Variants in GAREM2 observed in about 807,000 individuals in gnomAD.
GAREM2 encodes GRB2 associated regulator of MAPK1 subtype 2.
A neutral mutation model predicts 55.6 loss-of-function variants in GAREM2; 30 were observed. The ratio of observed to expected loss-of-function variants is 0.54; its 90% CI spans 0.40 to 0.73. The LOEUF is 0.73. Ranked by LOEUF, GAREM2 falls within the 30% of genes least tolerant of loss-of-function variation. GAREM2 has a pLI of 0.00. For missense variants in GAREM2, 1,075 were observed against 1,257.7 expected, an observed-to-expected ratio of 0.85 and a Z score of 2.20; for synonymous variants, 550 against 569.1, an observed-to-expected ratio of 0.97 and a Z score of 0.48.
At chr2:26,177,008 A>G (rs1668885934) in intron 2 of GAREM2, among the ~76,000 whole-genome samples, 1 of 152,174 alleles carries the variant, frequency 6.6e-6, no homozygotes, top group Non-Finnish European at 1.5e-5. Flanking sequence ...AAAATTTTAG[A>G]CTTCTAAAGA....
intron 2 of GAREM2, chr2:26,182,615 C>G (rs553196793): frequency 2.2e-6 from 2 of 927,044 alleles, no homozygotes; most frequent in African/African-American, 1.6e-5. Flanking sequence ...GCCAGCATCC[C>G]GGTACCACAC....
the GAREM2 span, among the ~76,000 whole-genome samples, chr2:26,195,840 A>G: frequency 6.6e-6 from 1 of 152,200 alleles, no homozygotes; most frequent in African/African-American, 2.4e-5. Flanking sequence ...CTACTGAATC[A>G]GAAACTCCAT....
downstream of GAREM2, chr2:26,190,986 G>A (rs1407517886): frequency 1.8e-6 from 1 of 560,078 alleles, no homozygotes; most frequent in Admixed American, 3.0e-5. Flanking sequence ...GCTTCAGATG[G>A]CTCTTGGCTG....
At position 26,173,198 on chromosome 2, in the gene GAREM2, G is replaced by C. The variant is rs1668756562; in HGVS notation, c.-23G>C. The stretch of plus-strand genomic sequence containing the variant: ...GGACTGACCGTCGGGGCCCCGGGAC[G>C]GCGGCCCCGGGGCGCCCATGCCATG... On this transcript the variant is annotated 5_prime_UTR_variant, in exon 1 of 6. Coordinates refer to ENST00000401533, the MANE Select transcript of GAREM2 (RefSeq NM_001168241.2). 9.0e-7 allele frequency: 1 copy of C among 1,114,584 alleles called. No individual in the cohort carries two copies. Among genetic ancestry groups the C allele is most frequent in the Non-Finnish European group, 1.1e-6 (1 of 876,034 alleles). 69.0% of individuals were successfully genotyped at this position (1,114,584 alleles called of 1,614,324 possible).
chr2:26,191,352 C>T (rs762118700), downstream of GAREM2: 1 of 1,614,176 alleles, frequency 6.2e-7, no homozygotes, highest in South Asian at 1.1e-5. Flanking sequence ...TGAGCCGGTC[C>T]ACTATCTTCT....
At chr2:26,196,662 G>A in the GAREM2 span, among the ~76,000 whole-genome samples, 1 of 152,134 alleles carries the variant, frequency 6.6e-6, no homozygotes, top group Non-Finnish European at 1.5e-5. Context: ...ACTTTTAAAT[G>A]AATGACAAAA....
chr2:26,204,042 A>AAG, the GAREM2 span: 1 of 1,612,698 alleles, frequency 6.2e-7, no homozygotes, highest in Non-Finnish European at 8.5e-7. Flanking sequence ...AACTCTTGCA[A>AAG]AGAGAGAGAG....
Position 26,185,285 on chromosome 2 carries a change from G to A in GAREM2, c.1428+9G>A. Reference sequence around the variant, plus strand: ...CTCCCAAATCCGAGGCGGTGAGTGAGCGCGCTGGGGGCCGAGTCCCGGGTC... The same window carrying A: ...CTCCCAAATCCGAGGCGGTGAGTGAACGCGCTGGGGGCCGAGTCCCGGGTC... On this transcript the variant is annotated intron_variant, in intron 4 of 5. Coordinates refer to ENST00000401533, the MANE Select transcript of GAREM2 (RefSeq NM_001168241.2). 2.0e-6 allele frequency: 3 copies of A among 1,501,574 alleles called. No homozygotes were observed. Among genetic ancestry groups the A allele is most frequent in the Non-Finnish European group, 8.8e-7 (1 of 1,131,940 alleles). The allele number at this position is 1,501,574 out of a possible 1,614,324, so 93.0% of individuals were successfully genotyped here. A position where few individuals can be genotyped will look rare whatever the true frequency, so the allele number is the denominator to read the frequency against.
chr2:26,195,864 ATTT>A, the GAREM2 span, among the ~76,000 whole-genome samples: 2 of 152,192 alleles, frequency 1.3e-5, no homozygotes, highest in Non-Finnish European at 2.9e-5. Context: ...TGGGGCCCAG[ATTT>A]GTTTTAATAA....
At chr2:26,200,864 C>G in the GAREM2 span, among the ~76,000 whole-genome samples, 1 of 151,984 alleles carries the variant, frequency 6.6e-6, no homozygotes, top group African/African-American at 2.4e-5. Flanking sequence ...TCCCAAATAG[C>G]TGGGACTACA....
At position 26,187,367 on chromosome 2, in the gene GAREM2, C is replaced by T. The variant is rs1264719783; in HGVS notation, c.1735C>T (p.Gln579Ter). 5.2e-6 allele frequency: 8 copies of T among 1,547,076 alleles called. No homozygotes were observed. Among genetic ancestry groups the T allele is most frequent in the Non-Finnish European group, 6.1e-6 (7 of 1,144,832 alleles). The change falls in exon 6 of 6, where the codon CAG (glutamine) becomes TAG (stop). Residue 579 changes from glutamine to a stop codon, truncating the protein, a stop_gained. Transcript: ENST00000401533. LOFTEE classifies it high-confidence loss of function. Reference sequence around the variant, plus strand: ...CCCCGGTCCCCTACCCTCAACCACACAGCCCAGCCAGGCCTCCCGGGCCCT... The same window carrying T: ...CCCCGGTCCCCTACCCTCAACCACATAGCCCAGCCAGGCCTCCCGGGCCCT... Reference protein sequence around the residue: ...PAPGPLPSTTQPSQASRALTE... With the variant: ...PAPGPLPSTT
chr2:26,182,548 G>C, intron 2 of GAREM2: 4 of 1,501,462 alleles, frequency 2.7e-6, no homozygotes, highest in Non-Finnish European at 3.6e-6. Context: ...CAGAGGCCCA[G>C]AGAGGGAAAG....
In GAREM2 at chr2:26,187,321, C is replaced by A. The variant is rs906932697; in HGVS notation, c.1689C>A (p.Gly563=). 6.5e-7 allele frequency: 1 copy of A among 1,531,266 alleles called. No individual in the cohort carries two copies. 94.9% of individuals were successfully genotyped at this position (1,531,266 alleles called of 1,614,324 possible). The change falls in exon 6 of 6, where the codon GGC becomes GGA. Residue 563 remains glycine (G), a synonymous_variant. Coordinates refer to ENST00000401533, the MANE Select transcript of GAREM2 (RefSeq NM_001168241.2). ...YPCTWGDCKV[G]ESSSRPAPGP... is the part of the protein sequence containing the mutation. ...GCACCTGGGGAGACTGCAAGGTGGG[C>A]GAGTCCTCTAGCCGCCCAGCCCCCG... is the stretch of plus-strand genomic sequence containing the variant.
the GAREM2 span, among the ~76,000 whole-genome samples, chr2:26,196,903 T>C: frequency 6.6e-6 from 1 of 152,080 alleles, no homozygotes; most frequent in South Asian, 2.1e-4. Context: ...CCTGCCATCA[T>C]TGAGCCTGCC....
intron 3 of GAREM2, among the ~76,000 whole-genome samples, chr2:26,183,800 C>T (rs1168520369): frequency 6.6e-6 from 1 of 152,340 alleles, no homozygotes; most frequent in African/African-American, 2.4e-5. Flanking sequence ...TTTACAAACC[C>T]TTTTCTTATC....
At chr2:26,177,144 G>A (rs762179839) in intron 2 of GAREM2, among the ~76,000 whole-genome samples, 6 of 152,184 alleles carry the variant, frequency 3.9e-5, no homozygotes, top group Non-Finnish European at 8.8e-5. Flanking sequence ...TGATGAAACG[G>A]AAGGCTTGGG....
At chr2:26,202,010 A>C in the GAREM2 span, among the ~76,000 whole-genome samples, 1 of 149,736 alleles carries the variant, frequency 6.7e-6, no homozygotes, top group African/African-American at 2.5e-5. Context: ...CATCTTGGCC[A>C]GGCTGGTCTT....
chr2:26,197,900 T>C, the GAREM2 span: 1 of 728,346 alleles, frequency 1.4e-6, no homozygotes, highest in Non-Finnish European at 2.6e-6. Flanking sequence ...GCTCAGACAG[T>C]AGATGTCACT....
the GAREM2 span, among the ~76,000 whole-genome samples, chr2:26,198,449 C>T: frequency 1.3e-5 from 2 of 150,178 alleles, no homozygotes; most frequent in East Asian, 2.0e-4. Flanking sequence ...AATCTAGGCT[C>T]GCTGCAACCT....
Sources: allele counts gnomAD v4.1 joint callset (sites outside exome capture counted in the v4.1 genomes callset), GRCh38; gene constraint gnomAD v4.1.1; transcripts MANE v1.5; gene names NCBI Gene and HGNC (gene_info 2026-07-23, HGNC 2026-07-21).